GRAMD1B: variants seen among roughly 807,000 people sequenced by gnomAD.
GRAMD1B encodes the protein protein Aster-B.
A neutral mutation model predicts 99.7 loss-of-function variants in GRAMD1B; 37 were observed. That is an observed-to-expected ratio of 0.37 (90% CI 0.29 to 0.49). GRAMD1B has a LOEUF of 0.49. Ranked by LOEUF, GRAMD1B falls within the 20% of genes least tolerant of loss-of-function variation. The pLI is 0.98. For synonymous variants in GRAMD1B, 427 were observed against 387.6 expected (o/e 1.10, Z -1.19); for missense variants, 888 against 1,009.2 (o/e 0.88, Z 1.63).
chr11:123,459,047 T>A (rs1222709875), intron 1 of GRAMD1B: 2 of 152,124 alleles, frequency 1.3e-5, no homozygotes, highest in Non-Finnish European at 2.9e-5. Context: ...TTCCTAGCCA[T>A]GAGTTTGGAA....
At chr11:123,526,815 G>A (rs1942819298) in intron 2 of GRAMD1B, among the ~76,000 whole-genome samples, 2 of 152,208 alleles carry the variant, frequency 1.3e-5, no homozygotes, top group Admixed American at 6.5e-5. Context: ...TGGGGTGTGG[G>A]AGTAGCTGTA....
At chr11:123,519,686 G>GCTTT (rs1942012378) in intron 2 of GRAMD1B, among the ~76,000 whole-genome samples, 1 of 152,252 alleles carries the variant, frequency 6.6e-6, no homozygotes, top group Non-Finnish European at 1.5e-5. Context: ...CTGGAGCAAA[G>GCTTT]AGGGGCACAT....
chr11:123,551,885 C>T (rs1015830732), intron 2 of GRAMD1B, among the ~76,000 whole-genome samples: 3 of 152,108 alleles, frequency 2.0e-5, no homozygotes, highest in East Asian at 3.9e-4. Flanking sequence ...CTCAATTTTT[C>T]GCTTTCATTT....
chr11:123,424,987 T>C (rs754122935), intron 1 of GRAMD1B, among the ~76,000 whole-genome samples: 22 of 152,260 alleles, frequency 1.4e-4, no homozygotes, highest in Non-Finnish European at 5.9e-5. Context: ...AGGAAACTTA[T>C]ACATAACAAA....
chr11:123,585,219 G>A (rs1016577478), intron 4 of GRAMD1B, among the ~76,000 whole-genome samples: 1 of 152,226 alleles, frequency 6.6e-6, no homozygotes, highest in African/African-American at 2.4e-5. Context: ...GCATGGAGTA[G>A]CTGTGGCTGT....
intron 14 of GRAMD1B, among the ~76,000 whole-genome samples, chr11:123,612,078 A>C (rs554247994): frequency 6.6e-6 from 1 of 151,762 alleles, no homozygotes; most frequent in African/African-American, 2.4e-5. Flanking sequence ...CAGGGCTGGC[A>C]GCAGATGATA....
At chr11:123,555,507 C>A (rs942041658) in intron 2 of GRAMD1B, among the ~76,000 whole-genome samples, 6 of 152,024 alleles carry the variant, frequency 3.9e-5, no homozygotes, top group African/African-American at 1.4e-4. Context: ...TGCCACCACA[C>A]CTGGCTAATT....
chr11:123,572,414 T>C (rs7939777), intron 2 of GRAMD1B, among the ~76,000 whole-genome samples: 52,337 of 152,110 alleles, frequency 0.34, 9,104 homozygotes, highest in East Asian at 0.46. Context: ...ATGTTATGCA[T>C]GTTAGGTGTT....
At chr11:123,542,047 A>G (rs1944588608) in intron 2 of GRAMD1B, among the ~76,000 whole-genome samples, 1 of 152,008 alleles carries the variant, frequency 6.6e-6, no homozygotes, top group Non-Finnish European at 1.5e-5. Context: ...ACTCCCCCAT[A>G]TTTTTCATTA....
chr11:123,534,633 C>T (rs2953193), intron 2 of GRAMD1B, among the ~76,000 whole-genome samples: 140,966 of 152,104 alleles, frequency 0.93, 65,342 homozygotes, highest in East Asian at 1. Flanking sequence ...GAGGCCGAGG[C>T]GGGTGGATCA....
chr11:123,392,054 G>A (rs926220604), intron 1 of GRAMD1B, among the ~76,000 whole-genome samples: 10 of 152,134 alleles, frequency 6.6e-5, no homozygotes, highest in Non-Finnish European at 8.8e-5. Context: ...AATAGAGTGA[G>A]GGACTGGACC....
chr11:123,611,208 G>T (rs1953504239), intron 14 of GRAMD1B, among the ~76,000 whole-genome samples: 1 of 126,026 alleles, frequency 7.9e-6, no homozygotes, highest in Non-Finnish European at 1.8e-5. Context: ...GCTTACGCAG[G>T]AGGGATTGCT....
intron 2 of GRAMD1B, chr11:123,560,768 G>A (rs1180917388): frequency 2.2e-6 from 1 of 449,522 alleles, no homozygotes; most frequent in South Asian, 1.6e-5. Flanking sequence ...TTTTGGAAGC[G>A]GTGGCTCTGT....
chr11:123,593,696 C>T (rs79447069), intron 4 of GRAMD1B, among the ~76,000 whole-genome samples: 1 of 152,134 alleles, frequency 6.6e-6, no homozygotes, highest in Non-Finnish European at 1.5e-5. Flanking sequence ...GGCTGGGCAG[C>T]CTTCTTGGGT....
At chr11:123,398,050 G>A (rs1947529520) in intron 1 of GRAMD1B, among the ~76,000 whole-genome samples, 1 of 152,084 alleles carries the variant, frequency 6.6e-6, no homozygotes. Context: ...GAACATTTAG[G>A]TACAAATCTT....
intron 1 of GRAMD1B, among the ~76,000 whole-genome samples, chr11:123,417,967 G>A (rs1948289772): frequency 6.6e-6 from 1 of 152,012 alleles, no homozygotes; most frequent in Non-Finnish European, 1.5e-5. Context: ...GTCTTGCTAT[G>A]TTGCCCAGGC....
chr11:123,601,405 C>T (rs563102639), intron 8 of GRAMD1B, among the ~76,000 whole-genome samples: 32 of 151,312 alleles, frequency 2.1e-4, no homozygotes, highest in Middle Eastern at 6.8e-3. Flanking sequence ...AAAAAAAGTT[C>T]CCACTCAGAT....
At chr11:123,393,240 G>C (rs1364322177) in intron 1 of GRAMD1B, among the ~76,000 whole-genome samples, 1 of 152,194 alleles carries the variant, frequency 6.6e-6, no homozygotes, top group African/African-American at 2.4e-5. Context: ...CTGGGAGGGA[G>C]AACCAAATGC....
chr11:123,391,687 C>T (rs1165910145), intron 1 of GRAMD1B, among the ~76,000 whole-genome samples: 2 of 152,162 alleles, frequency 1.3e-5, no homozygotes, highest in Admixed American at 1.3e-4. Flanking sequence ...AACTCTTGAC[C>T]TCAATTGATC....
Sources: allele counts gnomAD v4.1 joint callset (sites outside exome capture counted in the v4.1 genomes callset), GRCh38; gene constraint gnomAD v4.1.1; transcripts MANE v1.5; gene names NCBI Gene and HGNC (gene_info 2026-07-23, HGNC 2026-07-21).